CDYL2: variants seen among roughly 807,000 people sequenced by gnomAD.
The protein encoded by CDYL2 is chromodomain Y like 2.
Under a neutral mutation model 49.4 loss-of-function variants are expected in CDYL2, and 23 were observed. The observed-to-expected ratio is 0.47, with a 90% CI of 0.34 to 0.66. The LOEUF is 0.66. Ranked by LOEUF, CDYL2 falls within the 30% of genes least tolerant of loss-of-function variation. The pLI, the probability that CDYL2 is intolerant of heterozygous loss-of-function variation, is 0.01. For synonymous variants in CDYL2, 360 were observed against 268.8 expected, an observed-to-expected ratio of 1.34 and a Z score of -3.32; for missense variants, 678 against 656.4, an observed-to-expected ratio of 1.03 and a Z score of -0.36.
At chr16:80,791,739 T>C (rs1907616521) in intron 1 of CDYL2, among the ~76,000 whole-genome samples, 1 of 152,254 alleles carries the variant, frequency 6.6e-6, no homozygotes, top group African/African-American at 2.4e-5. Flanking sequence ...ATTGAATACA[T>C]GCTGTAACCA....
chr16:80,712,191 G>GTGTGTATATATATATATATATA (rs1555532109), intron 1 of CDYL2, among the ~76,000 whole-genome samples: 11 of 107,934 alleles, frequency 1.0e-4, no homozygotes, highest in Non-Finnish European at 1.7e-4. Flanking sequence ...GTCTGTGTGT[G>GTGTGTATATATATATATATATA]TATATATATA....
At chr16:80,720,415 G>C (rs1314814618) in intron 1 of CDYL2, among the ~76,000 whole-genome samples, 1 of 152,166 alleles carries the variant, frequency 6.6e-6, no homozygotes, top group African/African-American at 2.4e-5. Flanking sequence ...TGACCAGGTA[G>C]AGCAAAAACA....
chr16:80,757,697 TAAC>T (rs969342334), intron 1 of CDYL2, among the ~76,000 whole-genome samples: 13 of 151,948 alleles, frequency 8.6e-5, no homozygotes, highest in African/African-American at 2.9e-4. Flanking sequence ...ATATTCATAA[TAAC>T]AACAAAAGCA....
At chr16:80,795,520 C>T (rs1459955699) in intron 1 of CDYL2, among the ~76,000 whole-genome samples, 2 of 152,140 alleles carry the variant, frequency 1.3e-5, no homozygotes, top group Non-Finnish European at 2.9e-5. Context: ...TACTCGCTGG[C>T]TAAGGCTAAC....
intron 1 of CDYL2, among the ~76,000 whole-genome samples, chr16:80,713,390 G>C (rs768790397): frequency 6.6e-6 from 1 of 152,172 alleles, no homozygotes. Flanking sequence ...AAGACTGGTA[G>C]CATTTTTTAG....
At chr16:80,774,560 C>CA (rs1040099130) in intron 1 of CDYL2, among the ~76,000 whole-genome samples, 30 of 150,984 alleles carry the variant, frequency 2.0e-4, no homozygotes, top group South Asian at 1.0e-3. Context: ...GTTCATACCA[C>CA]AAAAAAAAGA....
At chr16:80,635,474 G>A (rs1366506176) in intron 2 of CDYL2, among the ~76,000 whole-genome samples, 1 of 152,120 alleles carries the variant, frequency 6.6e-6, no homozygotes, top group Non-Finnish European at 1.5e-5. Flanking sequence ...TTGCTACAAA[G>A]AGAATAAAAT....
intron 1 of CDYL2, among the ~76,000 whole-genome samples, chr16:80,764,783 A>T (rs1437870688): frequency 1.3e-5 from 2 of 152,068 alleles, no homozygotes; most frequent in Non-Finnish European, 2.9e-5. Flanking sequence ...TTCCTCGGCT[A>T]GGCGCGGTGG....
chr16:80,662,104 G>C (rs1163589172), intron 2 of CDYL2, among the ~76,000 whole-genome samples: 1 of 152,186 alleles, frequency 6.6e-6, no homozygotes, highest in Non-Finnish European at 1.5e-5. Context: ...GCAAAGCTTT[G>C]TATTGGCCTC....
At chr16:80,661,663 C>A (rs1597155442) in intron 2 of CDYL2, among the ~76,000 whole-genome samples, 1 of 152,154 alleles carries the variant, frequency 6.6e-6, no homozygotes, top group East Asian at 1.9e-4. Flanking sequence ...GGTGTTGGCT[C>A]TGATGGATGT....
At chr16:80,624,972 T>C (rs903568242) in intron 3 of CDYL2, among the ~76,000 whole-genome samples, 1 of 152,162 alleles carries the variant, frequency 6.6e-6, no homozygotes, top group East Asian at 1.9e-4. Context: ...ATTGGTGCTG[T>C]AGGGATTCTA....
At chr16:80,755,601 T>G (rs1434075814) in intron 1 of CDYL2, among the ~76,000 whole-genome samples, 1 of 152,200 alleles carries the variant, frequency 6.6e-6, no homozygotes, top group Non-Finnish European at 1.5e-5. Flanking sequence ...CAAGCAAACA[T>G]TTGAGATACT....
chr16:80,665,426 C>G (rs1368389895), intron 2 of CDYL2, among the ~76,000 whole-genome samples: 2 of 147,032 alleles, frequency 1.4e-5, no homozygotes, highest in Non-Finnish European at 3.0e-5. Flanking sequence ...GAGGGCTCAA[C>G]AGATCTTGTG....
chr16:80,664,620 G>C (rs949918216), intron 2 of CDYL2, among the ~76,000 whole-genome samples: 1 of 152,114 alleles, frequency 6.6e-6, no homozygotes, highest in Non-Finnish European at 1.5e-5. Context: ...ATCTCAAAAC[G>C]CTAAAAATTT....
intron 2 of CDYL2, among the ~76,000 whole-genome samples, chr16:80,656,494 G>A (rs1442940007): frequency 6.6e-6 from 1 of 152,222 alleles, no homozygotes; most frequent in Non-Finnish European, 1.5e-5. Flanking sequence ...GTGTGAAATG[G>A]GAGGGCAGCT....
intron 1 of CDYL2, among the ~76,000 whole-genome samples, chr16:80,789,959 T>C (rs1054158024): frequency 1.3e-5 from 2 of 152,104 alleles, no homozygotes; most frequent in African/African-American, 4.8e-5. Context: ...ACCTACTGGG[T>C]ACAATATGAT....
chr16:80,804,381 G>GT lies in CDYL2; in HGVS notation c.-209dup. 1 of 202,424 alleles carries GT rather than the reference G, an allele frequency of 4.9e-6. No homozygotes were observed. The allele number at this position is 202,424 out of a possible 1,614,324, so 12.5% of individuals were successfully genotyped here. A position where few individuals can be genotyped will look rare whatever the true frequency, so the allele number is the denominator to read the frequency against. On this transcript the variant is annotated 5_prime_UTR_variant, in exon 1 of 7. Coordinates refer to ENST00000570137, the MANE Select transcript of CDYL2 (RefSeq NM_152342.4). ...CAGAGCGGGCGGCGGCGGGGCTGGC[G>GT]TAACCGGCAGCAGCGGCGGCGGCGG...
At chr16:80,615,438 C>T (rs1045897081) in intron 4 of CDYL2, among the ~76,000 whole-genome samples, 18 of 152,052 alleles carry the variant, frequency 1.2e-4, no homozygotes, top group African/African-American at 3.1e-4. Context: ...CTCATGGGAC[C>T]GTATCTTCCA....
chr16:80,795,466 G>A lies in CDYL2; in HGVS notation c.24+8684C>T, dbSNP rs1411142394. On this transcript the variant is annotated intron_variant, in intron 1 of 6. Coordinates refer to ENST00000570137, the MANE Select transcript of CDYL2 (RefSeq NM_152342.4). ...CTTTATAAAGTCCTGGTCAATGAAT[G>A]GACCTTTCACTGGAGTGGTGTGACC... is the stretch of plus-strand genomic sequence containing the variant. Among the ~76,000 whole-genome samples the A allele has an allele frequency of 2.6e-5, 4 of 152,278 alleles. No individual in the cohort carries two copies. The East Asian group carries it at 7.7e-4, about 29-fold the overall frequency.
Sources: gnomAD v4.1 joint callset for allele counts (sites outside exome capture counted in the v4.1 genomes callset) on GRCh38, gnomAD v4.1.1 for gene constraint, MANE v1.5 for transcripts, NCBI Gene and HGNC (gene_info 2026-07-23, HGNC 2026-07-21) for gene names.